Variants in BHMT2 observed in about 807,000 individuals in gnomAD.
BHMT2 encodes S-methylmethionine--homocysteine S-methyltransferase BHMT2.
A neutral mutation model predicts 39.0 loss-of-function variants in BHMT2; 28 were observed. That is an observed-to-expected ratio of 0.72 (90% confidence interval 0.53 to 0.98). The LOEUF (loss-of-function observed/expected upper bound fraction) is 0.98. Ranked by LOEUF, BHMT2 falls within the 50% of genes least tolerant of loss-of-function variation. The pLI is 0.00. For synonymous variants in BHMT2, 145 were observed against 160.6 expected, an observed-to-expected ratio of 0.90 and a Z score of 0.74; for missense variants, 410 against 455.6, an observed-to-expected ratio of 0.90 and a Z score of 0.91.
intron 5 of BHMT2, 34 bp downstream of exon 5, chr5:79,082,990 G>C (rs751718739): frequency 6.2e-7 from 1 of 1,611,770 alleles, no homozygotes; most frequent in East Asian, 2.2e-5. Flanking sequence ...ACACAGCTCA[G>C]TTGTTGCTTA....
At chr5:79,077,458 G>T (rs375491516) in intron 1 of BHMT2, 22 bp from the exon 2 acceptor site, 1 of 1,597,522 alleles carries the variant, frequency 6.3e-7, no homozygotes, top group Non-Finnish European at 8.5e-7. Context: ...CGGAGCTTAG[G>T]TGCTTTTTTT....
intron 1 of BHMT2, 67 bp downstream of exon 1, chr5:79,069,882 C>A (rs1353560379): frequency 1.5e-6 from 2 of 1,309,930 alleles, no homozygotes; most frequent in Non-Finnish European, 2.0e-6. Flanking sequence ...TCCGTTCACA[C>A]CCGGCGTCCA....
chr5:79,085,615 G>A (rs1580254989), intron 7 of BHMT2, among the ~76,000 whole-genome samples: 5 of 152,318 alleles, frequency 3.3e-5, no homozygotes, highest in South Asian at 2.1e-4. Context: ...CAGTGGGGTG[G>A]AGGTTGCAGT....
intron 2 of BHMT2, among the ~76,000 whole-genome samples, chr5:79,078,667 C>T (rs889873165): frequency 5.3e-5 from 8 of 152,212 alleles, no homozygotes; most frequent in Non-Finnish European, 1.0e-4. Context: ...AGTACGATGG[C>T]CGTTATGATT....
intron 1 of BHMT2, among the ~76,000 whole-genome samples, chr5:79,072,327 C>T (rs1755595869): frequency 1.3e-5 from 2 of 151,782 alleles, no homozygotes; most frequent in South Asian, 4.2e-4. Context: ...GGACAAACAT[C>T]CAGATAACAA....
At chr5:79,070,199 C>G (rs1243768640) in intron 1 of BHMT2, among the ~76,000 whole-genome samples, 1 of 152,226 alleles carries the variant, frequency 6.6e-6, no homozygotes, top group Non-Finnish European at 1.5e-5. Flanking sequence ...TCAACCGACC[C>G]TCGCCCGCAG....
chr5:79,076,804 C>T (rs894282230), intron 1 of BHMT2, among the ~76,000 whole-genome samples: 27 of 152,168 alleles, frequency 1.8e-4, no homozygotes, highest in African/African-American at 4.1e-4. Context: ...GTGGCTGACA[C>T]GAAGAAAAAT....
intron 2 of BHMT2, chr5:79,078,275 A>G (rs1314060149): frequency 1.3e-5 from 2 of 152,208 alleles, no homozygotes; most frequent in African/African-American, 4.8e-5. Context: ...GGAAAAAAAA[A>G]AAAAAAAAAG....
chr5:79,070,575 C>A lies in BHMT2; in HGVS notation c.33+760C>A, dbSNP rs564227961. On this transcript the variant is annotated intron_variant, in intron 1 of 7. Transcript: ENST00000255192. ...AGACATCCCCAGGACCCTTCAGAGACCCCCACCCGCTCCAGCCCTGTCATT... is the reference window on the plus strand; with the variant it reads ...AGACATCCCCAGGACCCTTCAGAGAACCCCACCCGCTCCAGCCCTGTCATT... 2.6e-5 allele frequency among the ~76,000 whole-genome samples: 4 copies of A among 152,186 alleles called. No homozygotes were observed. In the East Asian group the frequency reaches 5.8e-4, roughly 22 times the overall value.
chr5:79,076,125 T>G (rs149483818), intron 1 of BHMT2, among the ~76,000 whole-genome samples: 137 of 152,256 alleles, frequency 9.0e-4, no homozygotes, highest in African/African-American at 3.1e-3. Flanking sequence ...TGGAAGTAGC[T>G]CTCAGCAGAT....
In BHMT2 at chr5:79,088,676, T is replaced by A; in HGVS notation, c.*102T>A. 1.1e-6 allele frequency: 1 copy of A among 889,996 alleles called. No individual in the cohort carries two copies. Among genetic ancestry groups the A allele is most frequent in the Non-Finnish European group, 1.8e-6 (1 of 564,808 alleles). The allele number at this position is 889,996 out of a possible 1,614,324, so 55.1% of individuals were successfully genotyped here. On this transcript the variant is annotated 3_prime_UTR_variant, in exon 8 of 8. Transcript: ENST00000255192. ...CCTTCATCCTCACCATGCCCTGCTA[T>A]CTCCAGCTGCTGAGCAGCTGAGGTG...
At chr5:79,083,951 G>C in intron 7 of BHMT2, 95 bp downstream of exon 7, 1 of 1,461,004 alleles carries the variant, frequency 6.8e-7, no homozygotes. Context: ...AAAAAGTATA[G>C]AAATGTATAA....
intron 4 of BHMT2, among the ~76,000 whole-genome samples, chr5:79,081,466 T>C (rs987852886): frequency 6.6e-6 from 1 of 152,192 alleles, no homozygotes; most frequent in Admixed American, 6.5e-5. Flanking sequence ...AACATTCTCT[T>C]TCCTCCACTT....
Position 79,077,595 on chromosome 5 carries a change from T to C in BHMT2, c.149T>C (p.Ile50Thr), listed in dbSNP as rs1755696767. ...GGGCTCTGGACTCCAGAGGCAGTGA[T>C]AGAACACCCAGACGCAGGTTGGTGT... ...KAGLWTPEAV[I>T]EHPDAVRQLH... is the part of the protein sequence containing the mutation. Residue 50 changes from isoleucine (I) to threonine (T), a missense_variant, in exon 2 of 8, where the codon ATA becomes ACA. Transcript: ENST00000255192. 1.2e-6 allele frequency: 2 copies of C among 1,613,860 alleles called. No individual in the cohort carries two copies. Among genetic ancestry groups the C allele is most frequent in the Non-Finnish European group, 8.5e-7 (1 of 1,179,902 alleles).
chr5:79,075,228 C>G (rs1462374912), intron 1 of BHMT2, among the ~76,000 whole-genome samples: 2 of 152,082 alleles, frequency 1.3e-5, no homozygotes, highest in Non-Finnish European at 2.9e-5. Context: ...AATGGCAAAG[C>G]AATAAGATAA....
At chr5:79,086,919 T>C (rs1755906240) in intron 7 of BHMT2, among the ~76,000 whole-genome samples, 1 of 151,318 alleles carries the variant, frequency 6.6e-6, no homozygotes, top group South Asian at 2.1e-4. Flanking sequence ...TGTTCTGTTA[T>C]GGATCATTGT....
chr5:79,086,019 G>A (rs1411488818), intron 7 of BHMT2, among the ~76,000 whole-genome samples: 1 of 152,190 alleles, frequency 6.6e-6, no homozygotes, highest in Non-Finnish European at 1.5e-5. Context: ...TTGTGAGCAC[G>A]CTCATGGGTC....
intron 1 of BHMT2, among the ~76,000 whole-genome samples, chr5:79,070,800 C>A (rs566217545): frequency 9.9e-5 from 15 of 152,174 alleles, no homozygotes; most frequent in African/African-American, 3.4e-4. Context: ...TGTTAAGTTG[C>A]AAAAGGAAAT....
At position 79,069,813 on chromosome 5, in the gene BHMT2, A is replaced by C; in HGVS notation, c.31A>C (p.Lys11Gln). Reference sequence around the variant, plus strand: ...ACCTGCTGGACGCCCGGGGGCCAAGAAGGTGAGTTTCGTCCCCTCGATCCT... The same window carrying C: ...ACCTGCTGGACGCCCGGGGGCCAAGCAGGTGAGTTTCGTCCCCTCGATCCT... MAPAGRPGAK[K>Q]GILERLESGE... Residue 11 changes from lysine (K) to glutamine (Q), a missense_variant and splice_region_variant, in exon 1 of 8, where the codon AAG becomes CAG. Physicochemically the swap from Lys to Gln is moderately conservative, Grantham distance 53. Transcript: ENST00000255192. The C allele has an allele frequency of 7.0e-7, 1 of 1,433,510 alleles. No homozygotes were observed. The highest frequency in any genetic ancestry group is 9.2e-7 in the Non-Finnish European group (1 of 1,086,684). 88.8% of individuals were successfully genotyped at this position (1,433,510 alleles called of 1,614,324 possible). A position where few individuals can be genotyped will look rare whatever the true frequency, so the allele number is the denominator to read the frequency against.
Sources: allele counts gnomAD v4.1 joint callset (sites outside exome capture counted in the v4.1 genomes callset), GRCh38; gene constraint gnomAD v4.1.1; transcripts MANE v1.5; gene names NCBI Gene and HGNC (gene_info 2026-07-23, HGNC 2026-07-21).